The following CASZ1 variants were observed in gnomAD, a reference collection of about 807,000 sequenced individuals.
The protein encoded by CASZ1 is zinc finger protein castor homolog 1.
CASZ1 carries 28 observed loss-of-function variants against 135.2 expected under a neutral mutation model. The ratio of observed to expected loss-of-function variants is 0.21; its 90% CI spans 0.15 to 0.28. CASZ1 has a LOEUF of 0.28. Among genes scored for constraint, CASZ1 ranks in the 10% least tolerant of loss-of-function variants. CASZ1 has a pLI of 1.00. For synonymous variants in CASZ1, 1,068 were observed against 1,073.4 expected, an observed-to-expected ratio of 0.99 and a Z score of 0.10; for missense variants, 2,161 against 2,453.3, an observed-to-expected ratio of 0.88 and a Z score of 2.52.
At chr1:10,793,223 A>G (rs147593406) in intron 1 of CASZ1, among the ~76,000 whole-genome samples, 219 of 143,474 alleles carry the variant, frequency 1.5e-3, no homozygotes, top group African/African-American at 5.6e-3. Flanking sequence ...TCTTGAAAGA[A>G]TTTTGCTCTT....
rs891715154 is a variant in CASZ1, at chr1:10,735,099, T to C, written c.-77+25602A>G. 6.6e-6 allele frequency among the ~76,000 whole-genome samples: 1 copy of C among 152,188 alleles called. No homozygotes were observed. Among genetic ancestry groups the C allele is most frequent in the Non-Finnish European group, 1.5e-5 (1 of 68,036 alleles). The stretch of plus-strand genomic sequence containing the variant: ...CAAAAGAAATTGAACACTTTTGAGT[T>C]GCCCTTAGCAACCTAATTGCATCAG... On this transcript the variant is annotated intron_variant, in intron 2 of 20. Transcript: ENST00000377022. This position sits in a 1 kb window ranked among gnomAD's most constrained non-coding sequence, Gnocchi z 5.1.
In CASZ1 at chr1:10,643,279, G is replaced by A. The variant is rs1165804073; in HGVS notation, c.3901C>T (p.His1301Tyr). Residue 1301 changes from histidine (H) to tyrosine (Y), a missense_variant, in exon 19 of 21, where the codon CAC (histidine) becomes TAC (tyrosine). Around this residue, in one of 7 missense-constraint regions of CASZ1, gnomAD observed 349 missense variants for 460.8 expected, o/e 0.76. Coordinates refer to ENST00000377022, the MANE Select transcript of CASZ1 (RefSeq NM_001079843.3). ...AACTGGCAGCCCTCCCGGATGCAGT[G>A]GAAGTGGCTGTTCACCTGGTTGTAC... ...CKYNQVNSHF[H>Y]CIREGCQFSF... 3 of 1,613,016 alleles carry A rather than the reference G, an allele frequency of 1.9e-6. No individual in the cohort carries two copies. Among genetic ancestry groups the A allele is most frequent in the East Asian group, 2.2e-5 (1 of 44,884 alleles).
intron 1 of CASZ1, among the ~76,000 whole-genome samples, chr1:10,793,221 G>T (rs1369880527): frequency 6.7e-6 from 1 of 148,930 alleles, no homozygotes; most frequent in Non-Finnish European, 1.5e-5. Flanking sequence ...GATCTTGAAA[G>T]AATTTTGCTC....
Position 10,767,218 on chromosome 1 carries a change from T to C in CASZ1, c.-233-6361A>G, listed in dbSNP as rs146180480. Among the ~76,000 whole-genome samples, 194 of 151,772 alleles carry C rather than the reference T, an allele frequency of 1.3e-3. No homozygotes were observed. The highest frequency in any genetic ancestry group is 4.6e-3 in the African/African-American group (191 of 41,294). On this transcript the variant is annotated intron_variant, in intron 1 of 20. Transcript: ENST00000377022. This position sits in a 1 kb window ranked among gnomAD's most constrained non-coding sequence, Gnocchi z 4.2. ...CCCGGTCGTCCACATTCCTCATGAG[T>C]TCCTGCCCCAGTCCTGGCCCAGGAG... is the stretch of plus-strand genomic sequence containing the variant.
intron 2 of CASZ1, among the ~76,000 whole-genome samples, chr1:10,731,719 T>G (rs754215057): frequency 3.3e-5 from 5 of 152,254 alleles, no homozygotes; most frequent in Non-Finnish European, 7.3e-5. Context: ...GAGTCTGTGA[T>G]AGTCTGCAAA....
chr1:10,642,561 C>A (rs284253), intron 20 of CASZ1, among the ~76,000 whole-genome samples: 35,582 of 151,782 alleles, frequency 0.23, 4,736 homozygotes, highest in African/African-American at 0.35. Flanking sequence ...TGGGCCCAGG[C>A]CGGGTGGGAG....
rs60314749 is a variant in CASZ1, at chr1:10,781,829, C to G, written c.-234+14735G>C. Among the ~76,000 whole-genome samples, 370 of 152,314 alleles carry G rather than the reference C, an allele frequency of 2.4e-3. 5 individuals are homozygous for G. In the East Asian group the frequency reaches 0.041, roughly 17 times the overall value. ...CCAAGTGATAGGTGCTATCGTGAAC[C>G]CTCTTTTACAAGTGAGAAAGCTGAG... On this transcript the variant is annotated intron_variant, in intron 1 of 20. Transcript: ENST00000377022.
chr1:10,781,711 G>A (rs1481274091), intron 1 of CASZ1, among the ~76,000 whole-genome samples: 2 of 152,178 alleles, frequency 1.3e-5, no homozygotes, highest in African/African-American at 4.8e-5. Flanking sequence ...GGAGGGTGGA[G>A]TAGAGACAGT....
intron 4 of CASZ1, among the ~76,000 whole-genome samples, chr1:10,685,805 G>A (rs1437657770): frequency 6.6e-6 from 1 of 152,220 alleles, no homozygotes; most frequent in African/African-American, 2.4e-5. Flanking sequence ...CAAAAACCTC[G>A]AGGGCAGGGC....
intron 6 of CASZ1, among the ~76,000 whole-genome samples, chr1:10,659,164 T>C (rs1486128354): frequency 3.3e-5 from 5 of 152,218 alleles, no homozygotes; most frequent in African/African-American, 1.2e-4. Context: ...TACCTTTGCT[T>C]CCTGCCTCCC....
intron 2 of CASZ1, among the ~76,000 whole-genome samples, chr1:10,733,125 T>G (rs1639732306): frequency 6.6e-6 from 1 of 152,058 alleles, no homozygotes; most frequent in Non-Finnish European, 1.5e-5. Context: ...AAAACTGATC[T>G]TAAAGAGGAG....
At chr1:10,664,285 G>A (rs1281900557) in intron 5 of CASZ1, among the ~76,000 whole-genome samples, 1 of 152,122 alleles carries the variant, frequency 6.6e-6, no homozygotes, top group Non-Finnish European at 1.5e-5. Context: ...GCAGAGAGAA[G>A]GCCCAGACCT....
intron 2 of CASZ1, among the ~76,000 whole-genome samples, chr1:10,731,753 TG>T (rs1195169929): frequency 6.6e-6 from 1 of 152,208 alleles, no homozygotes; most frequent in Non-Finnish European, 1.5e-5. Flanking sequence ...CTCCTGCCTT[TG>T]CCAACTACAC....
In CASZ1 at chr1:10,739,449, G is replaced by A. The variant is rs1010876390; in HGVS notation, c.-77+21252C>T. On this transcript the variant is annotated intron_variant, in intron 2 of 20. Coordinates refer to ENST00000377022, the MANE Select transcript of CASZ1 (RefSeq NM_001079843.3). This position sits in a 1 kb window ranked among gnomAD's most constrained non-coding sequence, Gnocchi z 4.8. The stretch of plus-strand genomic sequence containing the variant: ...CACAGCATGTGTGTGGCCCACACAA[G>A]GGCGGTCTGCTCTCACTCCCCTCGC... Among the ~76,000 whole-genome samples, 2 of 152,086 alleles carry A rather than the reference G, an allele frequency of 1.3e-5. No homozygotes were observed. Among genetic ancestry groups the A allele is most frequent in the Non-Finnish European group, 2.9e-5 (2 of 67,984 alleles).
At chr1:10,766,145 C>T (rs1640474789) in intron 1 of CASZ1, among the ~76,000 whole-genome samples, 1 of 152,034 alleles carries the variant, frequency 6.6e-6, no homozygotes, top group South Asian at 2.1e-4. Context: ...CTGCAGGAAC[C>T]AAATACCGTG....
intron 5 of CASZ1, among the ~76,000 whole-genome samples, chr1:10,663,283 G>T (rs1290036313): frequency 6.6e-6 from 1 of 152,178 alleles, no homozygotes; most frequent in African/African-American, 2.4e-5. Context: ...GAGGACACCT[G>T]GCGGGATGTG....
In CASZ1 at chr1:10,711,425, G is replaced by T. The variant is rs898934429; in HGVS notation, c.-76-5881C>A. Among the ~76,000 whole-genome samples the T allele has an allele frequency of 6.6e-6, 1 of 152,118 alleles. No homozygotes were observed. Among genetic ancestry groups the T allele is most frequent in the African/African-American group, 2.4e-5 (1 of 41,414 alleles). On this transcript the variant is annotated intron_variant, in intron 2 of 20. Transcript: ENST00000377022. This position sits in a 1 kb window ranked among gnomAD's most constrained non-coding sequence, Gnocchi z 4.4. ...GAGCTTCCATTCCTGTGCTGTTGAG[G>T]ACTCGCGGAAATAATGGTTAGCACA...
chr1:10,661,661 T>C (rs1489090161), intron 5 of CASZ1, among the ~76,000 whole-genome samples: 1 of 142,932 alleles, frequency 7.0e-6, no homozygotes, highest in African/African-American at 2.6e-5. Context: ...CACGGTCACA[T>C]TCACACGATC....
At chr1:10,668,984 C>T (rs1342208692) in intron 4 of CASZ1, among the ~76,000 whole-genome samples, 1 of 152,212 alleles carries the variant, frequency 6.6e-6, no homozygotes, top group Non-Finnish European at 1.5e-5. Flanking sequence ...GGCCTCTCAG[C>T]CCCTCCTCGG....
Sources: allele counts gnomAD v4.1 joint callset (sites outside exome capture counted in the v4.1 genomes callset), GRCh38; gene constraint gnomAD v4.1.1; regional missense constraint gnomAD v4.1.1; non-coding constraint Gnocchi (gnomAD v3.1); transcripts MANE v1.5; gene names NCBI Gene and HGNC (gene_info 2026-07-23, HGNC 2026-07-21).